CENPQ: variants seen among roughly 807,000 people sequenced by gnomAD.
CENPQ encodes the protein chromosome 6 open reading frame 139.
A neutral mutation model predicts 36.6 loss-of-function variants in CENPQ; 27 were observed. That is an observed-to-expected ratio of 0.74 (90% CI 0.54 to 1.02). CENPQ has a LOEUF of 1.02. Ranked by LOEUF, CENPQ falls within the 50% of genes least tolerant of loss-of-function variation. The probability of loss-of-function intolerance (pLI) is 0.00; values close to 1 mark genes in which losing one functional copy is unlikely to be tolerated. For synonymous variants in CENPQ, 101 were observed against 101.7 expected (o/e 0.99, Z 0.04); for missense variants, 306 against 301.8 (o/e 1.01, Z -0.10).
At chr6:49,475,850 A>G (rs1425925758) in intron 5 of CENPQ, among the ~76,000 whole-genome samples, 1 of 151,898 alleles carries the variant, frequency 6.6e-6, no homozygotes, top group Non-Finnish European at 1.5e-5. Context: ...TAAAATACCT[A>G]GGAATCCACC....
chr6:49,470,400 G>T, intron 2 of CENPQ, 122 bp downstream of exon 2: 1 of 505,938 alleles, frequency 2.0e-6, no homozygotes, highest in Admixed American at 3.9e-5. Flanking sequence ...TCAGGAGATC[G>T]AAACCATCCT....
intron 5 of CENPQ, among the ~76,000 whole-genome samples, chr6:49,475,469 A>G (rs900989262): frequency 2.6e-5 from 4 of 152,246 alleles, no homozygotes; most frequent in African/African-American, 9.6e-5. Context: ...CCAATGTCAT[A>G]CTGAATGGGC....
chr6:49,492,173 G>C lies in CENPQ; in HGVS notation c.705G>C (p.Gln235His). Residue 235 changes from glutamine (Q) to histidine (H), a missense_variant, in exon 9 of 9, where the codon CAG (glutamine) becomes CAC (histidine). Transcript: ENST00000335783. ...AAATTTTGGCGCTAATTCCAAACCA[G>C]AATGCTCTTCTAAAGGACTTGGATA... ...QKEILALIPN[Q>H]NALLKDLDIL... The C allele has an allele frequency of 6.2e-7, 1 of 1,604,268 alleles. No homozygotes were observed. The highest frequency in any genetic ancestry group is 1.1e-5 in the South Asian group (1 of 87,504).
At chr6:49,473,615 A>T (rs1286282789) in intron 5 of CENPQ, among the ~76,000 whole-genome samples, 1 of 152,198 alleles carries the variant, frequency 6.6e-6, no homozygotes, top group Non-Finnish European at 1.5e-5. Flanking sequence ...GCATCAACTA[A>T]CGAGCAAAAT....
intron 1 of CENPQ, among the ~76,000 whole-genome samples, chr6:49,466,112 A>G (rs1294339209): frequency 2.0e-5 from 3 of 152,168 alleles, no homozygotes; most frequent in Admixed American, 2.0e-4. Context: ...GGGAATAGGG[A>G]GGCCTAAGGA....
chr6:49,478,421 G>C (rs2127425800), intron 5 of CENPQ, among the ~76,000 whole-genome samples: 2 of 152,016 alleles, frequency 1.3e-5, no homozygotes, highest in East Asian at 3.9e-4. Flanking sequence ...CTTTAACCTA[G>C]CATCTCCCAA....
chr6:49,476,270 C>T (rs1400216743), intron 5 of CENPQ, among the ~76,000 whole-genome samples: 2 of 152,062 alleles, frequency 1.3e-5, no homozygotes, highest in South Asian at 2.1e-4. Flanking sequence ...AATAATACCA[C>T]ACATCTACAA....
chr6:49,478,393 A>G (rs1387251748), intron 5 of CENPQ, among the ~76,000 whole-genome samples: 2 of 152,180 alleles, frequency 1.3e-5, no homozygotes, highest in Non-Finnish European at 2.9e-5. Flanking sequence ...TCATTTTCAT[A>G]TAAATCTATT....
chr6:49,481,175 G>A, intron 6 of CENPQ, 95 bp downstream of exon 6: 1 of 1,036,986 alleles, frequency 9.6e-7, no homozygotes, highest in East Asian at 2.6e-5. Flanking sequence ...TTCCAGTAGT[G>A]AATACTAGAT....
At chr6:49,481,511 A>G (rs1226030923) in intron 6 of CENPQ, among the ~76,000 whole-genome samples, 3 of 152,138 alleles carry the variant, frequency 2.0e-5, no homozygotes, top group East Asian at 1.9e-4. Context: ...CCAAAGAGTG[A>G]GCAGTAGCAA....
At chr6:49,474,950 A>G (rs1212777739) in intron 5 of CENPQ, among the ~76,000 whole-genome samples, 1 of 152,188 alleles carries the variant, frequency 6.6e-6, no homozygotes, top group Non-Finnish European at 1.5e-5. Flanking sequence ...TCCCAAGACT[A>G]AACAGGGAAG....
intron 4 of CENPQ, among the ~76,000 whole-genome samples, 186 bp from the exon 5 acceptor site, chr6:49,472,604 T>A (rs753305463): frequency 6.6e-6 from 1 of 151,948 alleles, no homozygotes; most frequent in Non-Finnish European, 1.5e-5. Context: ...TGTGGCAAAA[T>A]ATATATATAA....
At chr6:49,470,383 C>T in intron 2 of CENPQ, 105 bp downstream of exon 2, 1 of 593,550 alleles carries the variant, frequency 1.7e-6, no homozygotes, top group Non-Finnish European at 2.9e-6. Flanking sequence ...GTGGGTGGAT[C>T]ACGAGGTCAG....
Position 49,472,141 on chromosome 6 carries a change from G to T in CENPQ, c.236G>T (p.Ser79Ile). 1 of 1,612,578 alleles carries T rather than the reference G, an allele frequency of 6.2e-7. No homozygotes were observed. Residue 79 changes from serine to isoleucine, a missense_variant, in exon 4 of 9, where the codon AGT (serine) becomes ATT (isoleucine). Ser to Ile is a moderately radical substitution (Grantham distance 142). Coordinates refer to ENST00000335783, the MANE Select transcript of CENPQ (RefSeq NM_018132.4). Reference protein sequence around the residue: ...KRKTWQPLSKSTRDHLQTMME... With the variant: ...KRKTWQPLSKITRDHLQTMME... ...AAAACCTGGCAACCTCTGTCAAAGA[G>T]TACCAGAGACCATTTGCAAACTATG...
Position 49,472,079 on chromosome 6 carries a change from T to C in CENPQ, c.174T>C (p.Thr58=). The part of the protein sequence containing the change: ...DLSSEGQTKH[T]NLKHGKTAAS... ...TAACGACAGGACAAACAAAGCACAC[T>C]AACCTAAAACACGGAAAGACAGCAG... The change falls in exon 4 of 9, where the codon ACT becomes ACC. Residue 58 remains threonine, a synonymous_variant. Coordinates refer to ENST00000335783, the MANE Select transcript of CENPQ (RefSeq NM_018132.4). 6.2e-7 allele frequency: 1 copy of C among 1,612,270 alleles called. No individual in the cohort carries two copies. The highest frequency in any genetic ancestry group is 8.5e-7 in the Non-Finnish European group (1 of 1,179,136).
chr6:49,486,174 A>T (rs138887275), intron 6 of CENPQ, among the ~76,000 whole-genome samples: 2 of 152,220 alleles, frequency 1.3e-5, no homozygotes, highest in Admixed American at 1.3e-4. Flanking sequence ...AGAGCAATGC[A>T]GCTACAAAGA....
intron 8 of CENPQ, among the ~76,000 whole-genome samples, chr6:49,490,219 T>G (rs1214574420): frequency 2.0e-5 from 3 of 152,258 alleles, no homozygotes; most frequent in Admixed American, 2.0e-4. Flanking sequence ...TGATCTTAGC[T>G]AGCTAGGTCT....
At chr6:49,478,695 T>G (rs2127425862) in intron 5 of CENPQ, among the ~76,000 whole-genome samples, 1 of 152,264 alleles carries the variant, frequency 6.6e-6, no homozygotes, top group South Asian at 2.1e-4. Context: ...CTTGGCGTGA[T>G]TTTGTGACAA....
Position 49,480,877 on chromosome 6 carries a change from A to G in CENPQ, c.348-74A>G, listed in dbSNP as rs1035947496. 5 of 1,097,178 alleles carry G rather than the reference A, an allele frequency of 4.6e-6. No individual in the cohort carries two copies. The African/African-American group carries it at 6.4e-5, about 14-fold the overall frequency. The allele number at this position is 1,097,178 out of a possible 1,614,324, so 68.0% of individuals were successfully genotyped here. A position where few individuals can be genotyped will look rare whatever the true frequency, so the allele number is the denominator to read the frequency against. On this transcript the variant is annotated intron_variant, in intron 5 of 8. Coordinates refer to ENST00000335783, the MANE Select transcript of CENPQ (RefSeq NM_018132.4). ...ACCCTTAAGAATATGAGGACAAGAA[A>G]AAATGAGGACTGTTTTAAAATAATA...
Sources: allele counts gnomAD v4.1 joint callset (sites outside exome capture counted in the v4.1 genomes callset), GRCh38; gene constraint gnomAD v4.1.1; transcripts MANE v1.5; gene names NCBI Gene and HGNC (gene_info 2026-07-23, HGNC 2026-07-21).